Variants in C12orf56 observed in about 807,000 individuals in gnomAD.
C12orf56 encodes uncharacterized protein C12orf56.
In C12orf56, 71 loss-of-function variants were observed where a neutral mutation model predicts 69.9. The ratio of observed to expected loss-of-function variants is 1.02; its 90% CI spans 0.84 to 1.24. The LOEUF (loss-of-function observed/expected upper bound fraction) is 1.24. Ranked by LOEUF, C12orf56 falls within the 50% of genes most tolerant of loss-of-function variation. The pLI is 0.00. For missense variants in C12orf56, 732 were observed against 738.5 expected, an observed-to-expected ratio of 0.99 and a Z score of 0.10; for synonymous variants, 276 against 274.1, an observed-to-expected ratio of 1.01 and a Z score of -0.07.
intron 8 of C12orf56, among the ~76,000 whole-genome samples, chr12:64,280,003 TATG>T (rs1419228217): frequency 2.7e-5 from 4 of 149,766 alleles, no homozygotes; most frequent in Admixed American, 6.6e-5. Flanking sequence ...GGTCACTTGC[TATG>T]ATAACATATG....
At chr12:64,282,008 A>G (rs2038135385) in intron 8 of C12orf56, among the ~76,000 whole-genome samples, 1 of 152,150 alleles carries the variant, frequency 6.6e-6, no homozygotes, top group Non-Finnish European at 1.5e-5. Context: ...ATCAAAAATA[A>G]TGTTGAATCT....
At chr12:64,367,894 A>G (rs1157355456) in intron 1 of C12orf56, among the ~76,000 whole-genome samples, 1 of 140,694 alleles carries the variant, frequency 7.1e-6, no homozygotes, top group Non-Finnish European at 1.5e-5. Flanking sequence ...TGCAACCTCT[A>G]CCTCCCGGGT....
chr12:64,343,174 C>T (rs985316498), intron 2 of C12orf56, among the ~76,000 whole-genome samples: 1 of 152,146 alleles, frequency 6.6e-6, no homozygotes. Flanking sequence ...AGGAATATCT[C>T]GACAGGCCCC....
intron 4 of C12orf56, among the ~76,000 whole-genome samples, chr12:64,318,091 T>C (rs2136836937): frequency 6.6e-6 from 1 of 152,186 alleles, no homozygotes; most frequent in East Asian, 1.9e-4. Context: ...GATGGAGTCT[T>C]CCTCTGTCGC....
chr12:64,275,739 A>C (rs2136750070), intron 9 of C12orf56, among the ~76,000 whole-genome samples: 1 of 152,182 alleles, frequency 6.6e-6, no homozygotes, highest in Middle Eastern at 3.4e-3. Flanking sequence ...AGTAGCTAGG[A>C]CTACAGGTAT....
At chr12:64,297,359 G>C (rs1173653380) in intron 6 of C12orf56, among the ~76,000 whole-genome samples, 2 of 151,608 alleles carry the variant, frequency 1.3e-5, no homozygotes, top group African/African-American at 4.8e-5. Context: ...AGTGTAGAGA[G>C]ACCACAAATA....
rs1275587326 is a variant in C12orf56 at position 64,287,258 on chromosome 12, AAAAAAGAAG to A, written c.1114-1207_1114-1199del. Among the ~76,000 whole-genome samples the A allele has an allele frequency of 5.2e-4, 69 of 132,266 alleles. 1 individual carries two copies. In the East Asian group the frequency reaches 0.011, roughly 20 times the overall value. 86.8% of individuals were successfully genotyped at this position (132,266 alleles called of 152,430 possible). A position where few individuals can be genotyped will look rare whatever the true frequency, so the allele number is the denominator to read the frequency against. The stretch of plus-strand genomic sequence containing the variant: ...GAGACTCCATCAAAAAAAAAAAAAA[AAAAAAGAAG>A]AAGAAGAAGAAGAAGAAGAAGAAGA... On this transcript the variant is annotated intron_variant, in intron 6 of 12. Transcript: ENST00000543942.
At chr12:64,274,770 A>G (rs1400642874) in intron 11 of C12orf56, 131 bp downstream of exon 11, 3 of 671,072 alleles carry the variant, frequency 4.5e-6, no homozygotes, top group African/African-American at 1.8e-5. Context: ...TAAACTGTCA[A>G]ATTTACACTT....
At chr12:64,387,424 C>A (rs1456197055) in intron 1 of C12orf56, among the ~76,000 whole-genome samples, 4 of 152,164 alleles carry the variant, frequency 2.6e-5, no homozygotes, top group Non-Finnish European at 5.9e-5. Context: ...GTCCAGAAAG[C>A]ATGAATAAAT....
At chr12:64,274,820 T>C in intron 11 of C12orf56, 81 bp downstream of exon 11, 1 of 1,086,602 alleles carries the variant, frequency 9.2e-7, no homozygotes, top group Non-Finnish European at 1.3e-6. Context: ...ACAGGGAAAA[T>C]CTGTGTTTTA....
chr12:64,286,665 A>G (rs1454499482), intron 6 of C12orf56, among the ~76,000 whole-genome samples: 1 of 152,230 alleles, frequency 6.6e-6, no homozygotes, highest in Non-Finnish European at 1.5e-5. Context: ...GCATGAAAAT[A>G]AGCGCTGGCC....
At chr12:64,388,551 T>TA (rs1344500606) in intron 1 of C12orf56, among the ~76,000 whole-genome samples, 1 of 152,160 alleles carries the variant, frequency 6.6e-6, no homozygotes, top group Non-Finnish European at 1.5e-5. Flanking sequence ...TCTAAAGTTT[T>TA]AAAAAACACT....
At position 64,347,674 on chromosome 12, in the gene C12orf56, T is replaced by C. The variant is rs571492807; in HGVS notation, c.415+5220A>G. Among the ~76,000 whole-genome samples the C allele has an allele frequency of 2.2e-4, 33 of 152,312 alleles. 1 individual carries two copies. Among genetic ancestry groups the C allele is most frequent in the South Asian group, 1.0e-3 (5 of 4,832 alleles). On this transcript the variant is annotated intron_variant, in intron 2 of 12. Coordinates refer to ENST00000543942, the MANE Select transcript of C12orf56 (RefSeq NM_001170633.2). ...AGTTATATATGTGTTGAGTGTGTGATGTCTATAAAAAGAGATCTAATTAAT... is the reference window on the plus strand; with the variant it reads ...AGTTATATATGTGTTGAGTGTGTGACGTCTATAAAAAGAGATCTAATTAAT...
At position 64,265,778 on chromosome 12, in the gene C12orf56, C is replaced by G. The variant is rs193113501; in HGVS notation, c.*1405G>C. On this transcript the variant is annotated 3_prime_UTR_variant, in exon 13 of 13. Transcript: ENST00000543942. ...ATAAGTTGAATGGAGAGTCCAGTTC[C>G]TATGTTCTTAGAAGTCCAAATTCAA... 6.6e-6 allele frequency: 1 copy of G among 152,326 alleles called. No individual in the cohort carries two copies. Among genetic ancestry groups the G allele is most frequent in the South Asian group, 2.1e-4 (1 of 4,830 alleles). 9.4% of individuals were successfully genotyped at this position (152,326 alleles called of 1,614,324 possible). A position where few individuals can be genotyped will look rare whatever the true frequency, so the allele number is the denominator to read the frequency against.
chr12:64,328,574 G>A (rs1183889650), intron 3 of C12orf56, among the ~76,000 whole-genome samples: 1 of 150,744 alleles, frequency 6.6e-6, no homozygotes, highest in Non-Finnish European at 1.5e-5. Flanking sequence ...CAGCTACTCG[G>A]GAGGCTGAGG....
At chr12:64,328,702 AAAAAATATATATATATAT>A (rs1555190182) in intron 3 of C12orf56, among the ~76,000 whole-genome samples, 2 of 26,464 alleles carry the variant, frequency 7.6e-5, no homozygotes, top group African/African-American at 4.1e-4. Context: ...AAAAAAAAAA[AAAAAATATATATATATAT>A]ATATATATAT....
At chr12:64,379,927 C>CAAAAAAA (rs200293677) in intron 1 of C12orf56, among the ~76,000 whole-genome samples, 27 of 114,124 alleles carry the variant, frequency 2.4e-4, no homozygotes, top group African/African-American at 1.2e-3. Flanking sequence ...ACTAAAAATA[C>CAAAAAAA]AAAAAAAAAA....
chr12:64,297,337 G>A (rs2038379822), intron 6 of C12orf56, among the ~76,000 whole-genome samples: 1 of 152,048 alleles, frequency 6.6e-6, no homozygotes, highest in Non-Finnish European at 1.5e-5. Flanking sequence ...GGGCCAAGGG[G>A]GACTCCACTG....
At chr12:64,282,222 G>C (rs1266392094) in intron 8 of C12orf56, among the ~76,000 whole-genome samples, 1 of 151,918 alleles carries the variant, frequency 6.6e-6, no homozygotes, top group Non-Finnish European at 1.5e-5. Context: ...AACTAGCTTG[G>C]CATGGTGTAT....
Sources: gnomAD v4.1 joint callset for allele counts (sites outside exome capture counted in the v4.1 genomes callset) on GRCh38, gnomAD v4.1.1 for gene constraint, MANE v1.5 for transcripts, NCBI Gene and HGNC (gene_info 2026-07-23, HGNC 2026-07-21) for gene names.